The following DLEU7 variants were observed in gnomAD, a reference collection of about 807,000 sequenced individuals.
DLEU7 encodes the protein leukemia-associated protein 7.
A neutral mutation model predicts 16.0 loss-of-function variants in DLEU7; 17 were observed. That is an observed-to-expected ratio of 1.06 (90% CI 0.73 to 1.59). The LOEUF (loss-of-function observed/expected upper bound fraction) is 1.59. DLEU7 is among the 40% of genes most tolerant of loss of function. DLEU7 has a pLI of 0.00. For missense variants in DLEU7, 308 were observed against 314.9 expected, an observed-to-expected ratio of 0.98 and a Z score of 0.17; for synonymous variants, 113 against 139.8, an observed-to-expected ratio of 0.81 and a Z score of 1.35.
chr13:50,777,533 C>G (rs1463362390), intron 1 of DLEU7, among the ~76,000 whole-genome samples: 1 of 152,186 alleles, frequency 6.6e-6, no homozygotes, highest in East Asian at 1.9e-4. Flanking sequence ...GTTGTGGAAC[C>G]TTGTGATCAT....
At chr13:50,757,231 G>A (rs138787370) in intron 1 of DLEU7, among the ~76,000 whole-genome samples, 86 of 152,180 alleles carry the variant, frequency 5.7e-4, no homozygotes, top group African/African-American at 2.0e-3. Flanking sequence ...ATCTAGTCCT[G>A]CCTCCCATCT....
At chr13:50,728,718 G>A (rs1873833177) in intron 1 of DLEU7, among the ~76,000 whole-genome samples, 1 of 152,034 alleles carries the variant, frequency 6.6e-6, no homozygotes, top group Non-Finnish European at 1.5e-5. Context: ...TGTTTTCTCA[G>A]ATTCATTTGT....
At chr13:50,787,421 C>T (rs932592434) in intron 1 of DLEU7, among the ~76,000 whole-genome samples, 2 of 152,108 alleles carry the variant, frequency 1.3e-5, no homozygotes, top group East Asian at 1.9e-4. Flanking sequence ...TATCCCATGA[C>T]TCTCAAAGGG....
chr13:50,792,581 TCTTCTCTATTCA>T (rs1270132652), intron 1 of DLEU7, among the ~76,000 whole-genome samples: 11 of 152,212 alleles, frequency 7.2e-5, no homozygotes, highest in Non-Finnish European at 1.3e-4. Flanking sequence ...TACTATCTCT[TCTTCTCTATTCA>T]CTTCTCTATT....
intron 1 of DLEU7, among the ~76,000 whole-genome samples, chr13:50,750,999 T>G (rs998569869): frequency 3.9e-5 from 6 of 152,204 alleles, no homozygotes; most frequent in African/African-American, 1.4e-4. Flanking sequence ...AGAGTGGGCA[T>G]CCTACTCTTG....
intron 1 of DLEU7, among the ~76,000 whole-genome samples, chr13:50,832,948 A>G (rs1877328382): frequency 6.6e-6 from 1 of 152,214 alleles, no homozygotes; most frequent in Admixed American, 6.5e-5. Flanking sequence ...GGCAAAAACC[A>G]CATGATTATC....
chr13:50,821,236 C>G (rs1876894320), downstream of DLEU7, among the ~76,000 whole-genome samples: 1 of 146,100 alleles, frequency 6.8e-6, no homozygotes, highest in Non-Finnish European at 1.5e-5. Flanking sequence ...AGCATTCAAC[C>G]AAAGGGAAAA....
intron 1 of DLEU7, among the ~76,000 whole-genome samples, chr13:50,829,493 T>C (rs952944249): frequency 1.3e-5 from 2 of 152,094 alleles, no homozygotes; most frequent in African/African-American, 4.8e-5. Flanking sequence ...TTTAAAAATA[T>C]AGTTGTGGGC....
chr13:50,726,402 C>A lies in DLEU7; in HGVS notation c.460-13162G>T, dbSNP rs1428098356. Among the ~76,000 whole-genome samples the A allele has an allele frequency of 6.6e-6, 1 of 152,124 alleles. No individual in the cohort carries two copies. The highest frequency in any genetic ancestry group is 1.5e-5 in the Non-Finnish European group (1 of 68,036). ...CCTGGGAACCAGCCTGCAACAGCCA[C>A]CTGACTTTCCCGCCTCCTCCTTTCA... is the stretch of plus-strand genomic sequence containing the variant. On this transcript the variant is annotated intron_variant, in intron 1 of 1. Coordinates refer to the DLEU7 transcript ENST00000400393. The surrounding 1 kb of genome is among the most constrained non-coding windows in gnomAD (Gnocchi z 4.0).
intron 1 of DLEU7, among the ~76,000 whole-genome samples, chr13:50,780,020 TAA>T (rs1346836279): frequency 6.6e-6 from 1 of 152,092 alleles, no homozygotes; most frequent in Non-Finnish European, 1.5e-5. Flanking sequence ...GTTATCATCT[TAA>T]AAGAGATTGT....
At chr13:50,749,709 A>G (rs1277970006) in intron 1 of DLEU7, among the ~76,000 whole-genome samples, 1 of 151,986 alleles carries the variant, frequency 6.6e-6, no homozygotes, top group African/African-American at 2.4e-5. Context: ...GCATTTTTTC[A>G]TACATTTGTT....
intron 1 of DLEU7, among the ~76,000 whole-genome samples, chr13:50,783,033 A>C (rs1875699644): frequency 6.6e-6 from 1 of 152,232 alleles, no homozygotes; most frequent in Admixed American, 6.5e-5. Context: ...ATAACCCAGA[A>C]GTTGGGAAAA....
rs1025674858 is a variant in DLEU7, at chr13:50,731,293, T to G, written c.460-18053A>C. ...CTTCATTCTTTCATTGCTTTGCTTG[T>G]GCATTTTGTCCAATTCTTGGTTCAA... is the stretch of plus-strand genomic sequence containing the variant. On this transcript the variant is annotated intron_variant, in intron 1 of 1. Transcript: ENST00000400393. Among the ~76,000 whole-genome samples, 109 of 152,366 alleles carry G rather than the reference T, an allele frequency of 7.2e-4. 1 individual carries two copies. Among genetic ancestry groups the G allele is most frequent in the Non-Finnish European group, 1.6e-4 (11 of 68,030 alleles).
intron 1 of DLEU7, among the ~76,000 whole-genome samples, chr13:50,809,821 A>G (rs1365446988): frequency 6.6e-6 from 1 of 152,220 alleles, no homozygotes; most frequent in Non-Finnish European, 1.5e-5. Flanking sequence ...ACAGTGGGAC[A>G]GAAAGTCAGT....
intron 1 of DLEU7, among the ~76,000 whole-genome samples, chr13:50,747,338 G>GTT: frequency 1.1e-5 from 1 of 95,224 alleles, no homozygotes; most frequent in Non-Finnish European, 1.9e-5. Context: ...AACTCTGTGT[G>GTT]TGTGTGTGTG....
chr13:50,761,334 A>G (rs1874923167), intron 1 of DLEU7, among the ~76,000 whole-genome samples: 2 of 152,154 alleles, frequency 1.3e-5, no homozygotes, highest in Admixed American at 6.5e-5. Context: ...AAGGGGGACG[A>G]ATTGTTTTAG....
intron 1 of DLEU7, among the ~76,000 whole-genome samples, chr13:50,831,697 T>C (rs1877271941): frequency 6.6e-6 from 1 of 152,222 alleles, no homozygotes; most frequent in African/African-American, 2.4e-5. Flanking sequence ...TGACTCATTC[T>C]ATACTTTGTC....
intron 1 of DLEU7, among the ~76,000 whole-genome samples, chr13:50,825,397 A>G (rs1877052499): frequency 6.6e-6 from 1 of 152,160 alleles, no homozygotes; most frequent in African/African-American, 2.4e-5. Context: ...CTTAATACTC[A>G]TGTGTCACCT....
At chr13:50,812,802 T>G (rs1326467255) in intron 1 of DLEU7, among the ~76,000 whole-genome samples, 1 of 151,920 alleles carries the variant, frequency 6.6e-6, no homozygotes, top group African/African-American at 2.4e-5. Context: ...GTCTTCTCAG[T>G]AAAGCCATAG....
Sources: gnomAD v4.1 joint callset for allele counts (sites outside exome capture counted in the v4.1 genomes callset) on GRCh38, gnomAD v4.1.1 for gene constraint, Gnocchi (gnomAD v3.1) non-coding constraint, MANE v1.5 for transcripts, NCBI Gene and HGNC (gene_info 2026-07-23, HGNC 2026-07-21) for gene names.